VSTM2B: variants seen among roughly 807,000 people sequenced by gnomAD.
VSTM2B encodes the protein V-set and transmembrane domain-containing protein 2B.
In VSTM2B, 24 loss-of-function variants were observed where a neutral mutation model predicts 24.0. The ratio of observed to expected loss-of-function variants is 1.00; its 90% CI spans 0.72 to 1.40. VSTM2B has a LOEUF of 1.40. Ranked by LOEUF, VSTM2B falls within the 40% of genes most tolerant of loss-of-function variation. The pLI is 0.00. For missense variants in VSTM2B, 399 were observed against 416.4 expected (o/e 0.96, Z 0.36); for synonymous variants, 226 against 194.4 (o/e 1.16, Z -1.35).
At chr19:29,531,211 C>T (rs1167390762) in intron 4 of VSTM2B, among the ~76,000 whole-genome samples, 1 of 152,158 alleles carries the variant, frequency 6.6e-6, no homozygotes, top group Non-Finnish European at 1.5e-5. Flanking sequence ...GGCCTCAGAG[C>T]CCACCCCAGT....
intron 4 of VSTM2B, among the ~76,000 whole-genome samples, chr19:29,557,189 C>T (rs1285834031): frequency 2.0e-5 from 3 of 151,218 alleles, no homozygotes; most frequent in Non-Finnish European, 4.4e-5. Flanking sequence ...CAAAAACAGC[C>T]ACATAGACCA....
At chr19:29,550,671 T>C (rs1005387926) in intron 4 of VSTM2B, among the ~76,000 whole-genome samples, 1 of 152,182 alleles carries the variant, frequency 6.6e-6, no homozygotes, top group Admixed American at 6.5e-5. Context: ...TATGCAATAC[T>C]GGACAAAGCA....
chr19:29,542,349 G>A (rs531135012), intron 4 of VSTM2B, among the ~76,000 whole-genome samples: 2 of 151,672 alleles, frequency 1.3e-5, no homozygotes, highest in Non-Finnish European at 2.9e-5. Flanking sequence ...ATGGGAGAAC[G>A]AATGGGTGGG....
At position 29,564,184 on chromosome 19, in the gene VSTM2B, A is replaced by G. The variant is rs1970597442; in HGVS notation, c.*250A>G. 1 of 408,206 alleles carries G rather than the reference A, an allele frequency of 2.4e-6. No individual in the cohort carries two copies. The highest frequency in any genetic ancestry group is 4.5e-6 in the Non-Finnish European group (1 of 224,032). 25.3% of individuals were successfully genotyped at this position (408,206 alleles called of 1,614,324 possible). ...TGGGAATCAATGATTTCTCTACTTCAATGTAGTTTTCTTTTCTACACTTTC... is the reference window on the plus strand; with the variant it reads ...TGGGAATCAATGATTTCTCTACTTCGATGTAGTTTTCTTTTCTACACTTTC... On this transcript the variant is annotated 3_prime_UTR_variant, in exon 5 of 5. Coordinates refer to ENST00000335523, the MANE Select transcript of VSTM2B (RefSeq NM_001146339.2).
At chr19:29,540,832 G>C (rs1011314061) in intron 4 of VSTM2B, among the ~76,000 whole-genome samples, 2 of 152,172 alleles carry the variant, frequency 1.3e-5, no homozygotes, top group Admixed American at 6.5e-5. Flanking sequence ...GCCATGGCTG[G>C]TACTCTAAAG....
At chr19:29,556,140 G>A (rs1399990489) in intron 4 of VSTM2B, among the ~76,000 whole-genome samples, 1 of 147,080 alleles carries the variant, frequency 6.8e-6, no homozygotes, top group African/African-American at 2.6e-5. Context: ...CAATATCCCT[G>A]ATGAACATCG....
intron 4 of VSTM2B, among the ~76,000 whole-genome samples, chr19:29,533,420 T>G (rs1031559214): frequency 6.6e-6 from 1 of 152,178 alleles, no homozygotes; most frequent in South Asian, 2.1e-4. Context: ...GGCCAGGAAC[T>G]GTGTAGACAC....
intron 4 of VSTM2B, among the ~76,000 whole-genome samples, chr19:29,541,422 A>G (rs1256096967): frequency 3.3e-5 from 5 of 152,054 alleles, no homozygotes; most frequent in African/African-American, 1.2e-4. Flanking sequence ...GAAGGGAAGG[A>G]TGTGTGAATG....
At chr19:29,558,179 A>G (rs977297465) in intron 4 of VSTM2B, among the ~76,000 whole-genome samples, 1 of 152,320 alleles carries the variant, frequency 6.6e-6, no homozygotes, top group Non-Finnish European at 1.5e-5. Context: ...CACGCCAGTC[A>G]GAATGGTGAT....
At chr19:29,535,947 A>T (rs1969878684) in intron 4 of VSTM2B, among the ~76,000 whole-genome samples, 2 of 152,216 alleles carry the variant, frequency 1.3e-5, no homozygotes, top group Admixed American at 1.3e-4. Context: ...ATTAAGAAGA[A>T]AACAAATCTG....
chr19:29,532,140 A>T (rs764299928), intron 4 of VSTM2B, among the ~76,000 whole-genome samples: 3 of 152,268 alleles, frequency 2.0e-5, no homozygotes, highest in Non-Finnish European at 4.4e-5. Context: ...AGCCACTCAA[A>T]TCTTTCTGGC....
Position 29,530,122 on chromosome 19 carries a change from A to T in VSTM2B, c.601A>T (p.Ser201Cys). ...TTSEPGRGDK[S>C]PPPGSPPAAI... ...CTCCGAGCCCGGCCGCGGCGACAAGAGCCCGCCGCCCGGGAGCCCTCCCGC... is the reference window on the plus strand; with the variant it reads ...CTCCGAGCCCGGCCGCGGCGACAAGTGCCCGCCGCCCGGGAGCCCTCCCGC... Residue 201 changes from serine (S) to cysteine (C), a missense_variant, in exon 4 of 5, where the codon AGC becomes TGC. Transcript: ENST00000335523. The T allele has an allele frequency of 1.4e-6, 2 of 1,445,614 alleles. No individual in the cohort carries two copies. The highest frequency in any genetic ancestry group is 1.8e-6 in the Non-Finnish European group (2 of 1,107,724). The allele number at this position is 1,445,614 out of a possible 1,614,324, so 89.5% of individuals were successfully genotyped here.
intron 4 of VSTM2B, among the ~76,000 whole-genome samples, chr19:29,548,202 G>A (rs535961422): frequency 2.0e-4 from 31 of 152,022 alleles, no homozygotes; most frequent in Non-Finnish European, 3.8e-4. Context: ...TCCTGGACAC[G>A]GAGGCAGCCA....
At chr19:29,536,109 C>A (rs979957787) in intron 4 of VSTM2B, among the ~76,000 whole-genome samples, 2 of 152,180 alleles carry the variant, frequency 1.3e-5, no homozygotes, top group Non-Finnish European at 2.9e-5. Context: ...CCATTATCAG[C>A]GACATGGCAT....
intron 4 of VSTM2B, among the ~76,000 whole-genome samples, chr19:29,544,807 C>T (rs1479952946): frequency 1.3e-5 from 2 of 152,178 alleles, no homozygotes; most frequent in Non-Finnish European, 2.9e-5. Context: ...TTTGAAGGAC[C>T]TGGCCCATGT....
Position 29,530,272 on chromosome 19 carries a change from C to T in VSTM2B, c.751C>T (p.Arg251Cys). Reference protein sequence around the residue: ...SPPSGQAVLLRQRHGSGTGRS... With the variant: ...SPPSGQAVLLCQRHGSGTGRS... ...GCCATCGGGACAGGCGGTCCTGCTG[C>T]GCCAGAGGCACGGCTCGGGTAAGGG... Residue 251 changes from arginine (R) to cysteine (C), a missense_variant, in exon 4 of 5, where the codon CGC becomes TGC. Physicochemically the swap from Arg to Cys is radical, Grantham distance 180. Coordinates refer to ENST00000335523, the MANE Select transcript of VSTM2B (RefSeq NM_001146339.2). 1 of 1,501,572 alleles carries T rather than the reference C, an allele frequency of 6.7e-7. No individual in the cohort carries two copies. Among genetic ancestry groups the T allele is most frequent in the African/African-American group, 1.4e-5 (1 of 68,974 alleles). 93.0% of individuals were successfully genotyped at this position (1,501,572 alleles called of 1,614,324 possible). A position where few individuals can be genotyped will look rare whatever the true frequency, so the allele number is the denominator to read the frequency against.
intron 4 of VSTM2B, among the ~76,000 whole-genome samples, chr19:29,546,681 C>CCA (rs71171737): frequency 6.6e-6 from 1 of 151,050 alleles, no homozygotes; most frequent in African/African-American, 2.4e-5. Context: ...CCCCCACCCC[C>CCA]ACCCCGGTGC....
At chr19:29,531,484 T>A (rs970364247) in intron 4 of VSTM2B, among the ~76,000 whole-genome samples, 1 of 152,186 alleles carries the variant, frequency 6.6e-6, no homozygotes, top group Non-Finnish European at 1.5e-5. Context: ...AGTGTCACCA[T>A]CTCATCCTGC....
Position 29,529,915 on chromosome 19 carries a change from T to C in VSTM2B, c.394T>C (p.Tyr132His), listed in dbSNP as rs1342056810. Residue 132 changes from tyrosine to histidine, a missense_variant, in exon 4 of 5, where the codon TAC (tyrosine) becomes CAC (histidine). Tyr to His is a moderately conservative substitution (Grantham distance 83). Transcript: ENST00000335523. ...CGTGTACGAGTGCCGCGTGTCGGAC[T>C]ACAGCGACGACGACACGCAGGAGCA... The part of the protein sequence containing the change: ...EGVYECRVSD[Y>H]SDDDTQEHKA... 1.6e-5 allele frequency: 25 copies of C among 1,550,156 alleles called. No individual in the cohort carries two copies. The highest frequency in any genetic ancestry group is 2.2e-5 in the Non-Finnish European group (25 of 1,146,876).
Sources: allele counts gnomAD v4.1 joint callset (sites outside exome capture counted in the v4.1 genomes callset), GRCh38; gene constraint gnomAD v4.1.1; transcripts MANE v1.5; gene names NCBI Gene and HGNC (gene_info 2026-07-23, HGNC 2026-07-21).